The following TACC3 variants were observed in gnomAD, a reference collection of about 807,000 sequenced individuals.
The protein encoded by TACC3 is transforming acidic coiled-coil containing protein 3, also known as transforming acidic coiled-coil-containing protein 3.
A neutral mutation model predicts 86.0 loss-of-function variants in TACC3; 52 were observed. That is an observed-to-expected ratio of 0.60 (90% CI 0.48 to 0.76). TACC3 has a LOEUF of 0.76. Ranked by LOEUF, TACC3 falls within the 30% of genes least tolerant of loss-of-function variation. The pLI, the probability that TACC3 is intolerant of heterozygous loss-of-function variation, is 0.00. For synonymous variants in TACC3, 512 were observed against 430.0 expected, an observed-to-expected ratio of 1.19 and a Z score of -2.36; for missense variants, 1,120 against 1,070.4, an observed-to-expected ratio of 1.05 and a Z score of -0.65.
chr4:1,720,773 G>A, upstream of TACC3: 1 of 1,593,138 alleles, frequency 6.3e-7, no homozygotes, highest in East Asian at 2.3e-5. This position sits in a 1 kb window ranked among gnomAD's most constrained non-coding sequence, Gnocchi z 4.4. Flanking sequence ...CTCGTTGGGC[G>A]TGAACACGAA....
In TACC3 at chr4:1,744,593, C is replaced by G; in HGVS notation, c.2299C>G (p.Leu767Val). The change falls in exon 14 of 16, where the codon CTG becomes GTG. Residue 767 changes from leucine to valine, a missense_variant. Physicochemically the swap from Leu to Val is conservative, Grantham distance 32. Transcript: ENST00000313288. ...ITQEGQRYQA[L>V]KAHAEEKLQL... Reference sequence around the variant, plus strand: ...CCAGGAGGGCCAGAGGTACCAAGCCCTGAAGGCCCACGCGGAGGAGAAGCT... The same window carrying G: ...CCAGGAGGGCCAGAGGTACCAAGCCGTGAAGGCCCACGCGGAGGAGAAGCT... The G allele has an allele frequency of 1.2e-6, 2 of 1,613,234 alleles. No individual in the cohort carries two copies. Among genetic ancestry groups the G allele is most frequent in the Non-Finnish European group, 1.7e-6 (2 of 1,179,996 alleles).
rs776068390 is a variant in TACC3 at position 1,735,651 on chromosome 4, A to G, written c.1645-80A>G. 3.3e-4 allele frequency: 379 copies of G among 1,131,578 alleles called. No individual in the cohort carries two copies. Among genetic ancestry groups the G allele is most frequent in the Non-Finnish European group, 4.6e-4 (350 of 757,172 alleles). 70.1% of individuals were successfully genotyped at this position (1,131,578 alleles called of 1,614,324 possible). A position where few individuals can be genotyped will look rare whatever the true frequency, so the allele number is the denominator to read the frequency against. ...CGGGTGACCGGGGGTGGGAGTGTGCAGGTGACCTCCCTGGCCCTTAGCCCC... is the reference window on the plus strand; with the variant it reads ...CGGGTGACCGGGGGTGGGAGTGTGCGGGTGACCTCCCTGGCCCTTAGCCCC... On this transcript the variant is annotated intron_variant, in intron 7 of 15. Transcript: ENST00000313288. The surrounding 1 kb of genome is among the most constrained non-coding windows in gnomAD (Gnocchi z 4.2).
chr4:1,740,051 A>T, intron 12 of TACC3, 49 bp downstream of exon 12: 1 of 1,592,868 alleles, frequency 6.3e-7, no homozygotes, highest in Non-Finnish European at 8.6e-7. Flanking sequence ...GGGGCTGCCT[A>T]TGCCCCACCC....
chr4:1,721,244 A>G (rs1298754199), upstream of TACC3: 1 of 160,022 alleles, frequency 6.2e-6, no homozygotes, highest in Non-Finnish European at 1.4e-5. Context: ...GGCCCTGGCC[A>G]TGAAGCCCCG....
At chr4:1,744,398 C>T (rs1718740607) in intron 13 of TACC3, 120 bp from the exon 14 acceptor site, 18 of 878,812 alleles carry the variant, frequency 2.0e-5, no homozygotes, top group African/African-American at 3.4e-5. Context: ...AAAACGGGAG[C>T]TACTGGCTCA....
intron 1 of TACC3, chr4:1,721,914 G>T (rs989791275): frequency 6.6e-6 from 1 of 152,376 alleles, no homozygotes; most frequent in South Asian, 2.1e-4. Flanking sequence ...CGGGCGCCCC[G>T]AGGTGCTTTG....
intron 3 of TACC3, among the ~76,000 whole-genome samples, chr4:1,727,269 C>T (rs1180276361): frequency 9.9e-5 from 15 of 152,198 alleles, no homozygotes; most frequent in Admixed American, 9.8e-4. Flanking sequence ...TCTGACCCCC[C>T]AGGCAGCAGC....
rs1717763545 is a variant in TACC3 at position 1,727,784 on chromosome 4, C to T, written c.382C>T (p.Leu128Phe). 1.2e-6 allele frequency: 2 copies of T among 1,612,976 alleles called. No homozygotes were observed. The highest frequency in any genetic ancestry group is 2.2e-5 in the East Asian group (1 of 44,886). ...GAAACCAGTGGAGGCTGACACCGACCTCCTGGGGGATGCAAGCCCAGCCTT... is the reference window on the plus strand; with the variant it reads ...GAAACCAGTGGAGGCTGACACCGACTTCCTGGGGGATGCAAGCCCAGCCTT... ...LQKPVEADTD[L>F]LGDASPAFGS... The change falls in exon 4 of 16, where the codon CTC (leucine) becomes TTC (phenylalanine). Residue 128 changes from leucine to phenylalanine, a missense_variant. Leu to Phe is a conservative substitution (Grantham distance 22). Transcript: ENST00000313288.
At chr4:1,739,574 C>T in intron 10 of TACC3, 128 bp from the exon 11 acceptor site, 2 of 852,500 alleles carry the variant, frequency 2.3e-6, no homozygotes, top group Non-Finnish European at 3.6e-6. Context: ...CTGGAAGCCC[C>T]ACATGGAACT....
intron 8 of TACC3, among the ~76,000 whole-genome samples, chr4:1,736,889 G>A (rs1339848037): frequency 6.6e-6 from 1 of 151,818 alleles, no homozygotes; most frequent in Non-Finnish European, 1.5e-5. Context: ...CAATCTGGGT[G>A]ACAGAGTGAG....
chr4:1,744,456 C>A, intron 13 of TACC3, 62 bp from the exon 14 acceptor site: 1 of 1,497,628 alleles, frequency 6.7e-7, no homozygotes, highest in Non-Finnish European at 9.2e-7. Flanking sequence ...CCCCAGACAC[C>A]AAGCCTGGGT....
Position 1,728,469 on chromosome 4 carries a change from G to T in TACC3, c.1067G>T (p.Arg356Ile). ...AGCAAAAGGGCACCCCCACCAAGGA[G>T]ACTGGGAGAGAGGTCCGGCCTCAAG... is the stretch of plus-strand genomic sequence containing the variant. ...ATSKRAPPPR[R>I]LGERSGLKPP... The change falls in exon 4 of 16, where the codon AGA becomes ATA. Residue 356 changes from arginine to isoleucine, a missense_variant. Arg to Ile is a moderately conservative substitution (Grantham distance 97, BLOSUM62 -3). Coordinates refer to ENST00000313288, the MANE Select transcript of TACC3 (RefSeq NM_006342.3). 4.3e-6 allele frequency: 7 copies of T among 1,613,902 alleles called. No homozygotes were observed. Among genetic ancestry groups the T allele is most frequent in the Middle Eastern group, 1.7e-4 (1 of 6,060 alleles).
chr4:1,720,896 G>A (rs1717291562), upstream of TACC3: 30 of 1,502,714 alleles, frequency 2.0e-5, no homozygotes, highest in Non-Finnish European at 2.5e-5. This position sits in a 1 kb window ranked among gnomAD's most constrained non-coding sequence, Gnocchi z 4.4. Context: ...GGACGAGGCC[G>A]CAGCGCCCAG....
At chr4:1,723,347 A>C (rs1717512537) in intron 1 of TACC3, 74 bp from the exon 2 acceptor site, 2 of 1,510,706 alleles carry the variant, frequency 1.3e-6, no homozygotes, top group Middle Eastern at 1.7e-4. Flanking sequence ...CCCTTGCAGC[A>C]GCTGTCACGT....
chr4:1,744,590 G>GCC lies in TACC3; in HGVS notation c.2298_2299dup (p.Leu767ProfsTer2), dbSNP rs1177478967. Reference sequence around the variant, plus strand: ...CACCCAGGAGGGCCAGAGGTACCAAGCCCTGAAGGCCCACGCGGAGGAGAA... The same window carrying GCC: ...CACCCAGGAGGGCCAGAGGTACCAAGCCCCCTGAAGGCCCACGCGGAGGAGAA... On this transcript the variant is annotated frameshift_variant, in exon 14 of 16. Coordinates refer to ENST00000313288, the MANE Select transcript of TACC3 (RefSeq NM_006342.3). LOFTEE classifies it high-confidence loss of function. 1 of 1,613,122 alleles carries GCC rather than the reference G, an allele frequency of 6.2e-7. No homozygotes were observed. The highest frequency in any genetic ancestry group is 1.3e-5 in the African/African-American group (1 of 74,950).
intron 4 of TACC3, among the ~76,000 whole-genome samples, chr4:1,729,051 T>A (rs1218474890): frequency 6.6e-6 from 1 of 152,198 alleles, no homozygotes; most frequent in Non-Finnish European, 1.5e-5. Context: ...AGAAGCCAAA[T>A]GCAACCAACC....
At position 1,730,453 on chromosome 4, in the gene TACC3, A is replaced by G. The variant is rs1416218397; in HGVS notation, c.1386-434A>G. ...ATCATATCTATAATCTATTTCTAGT[A>G]TAACTATTCTTATTCTGTATATTTA... On this transcript the variant is annotated intron_variant, in intron 4 of 15. Transcript: ENST00000313288. The G allele has an allele frequency of 1.9e-5, 6 of 311,144 alleles. No individual in the cohort carries two copies. The East Asian group carries it at 2.4e-4, about 13-fold the overall frequency. 19.3% of individuals were successfully genotyped at this position (311,144 alleles called of 1,614,324 possible). A position where few individuals can be genotyped will look rare whatever the true frequency, so the allele number is the denominator to read the frequency against.
chr4:1,741,003 C>G lies in TACC3; in HGVS notation c.2223+17C>G. The G allele has an allele frequency of 6.3e-7, 1 of 1,591,560 alleles. No individual in the cohort carries two copies. Among genetic ancestry groups the G allele is most frequent in the Non-Finnish European group, 8.5e-7 (1 of 1,171,422 alleles). ...TACCGCAAGGTATGTCTCCGCCACCCTGGTGTCCTCACCTCGGAGGCTGAT... is the reference window on the plus strand; with the variant it reads ...TACCGCAAGGTATGTCTCCGCCACCGTGGTGTCCTCACCTCGGAGGCTGAT... On this transcript the variant is annotated intron_variant, in intron 13 of 15. Coordinates refer to ENST00000313288, the MANE Select transcript of TACC3 (RefSeq NM_006342.3).
In TACC3 at chr4:1,739,308, CAAA is replaced by C. The variant is rs33985489; in HGVS notation, c.1942-383_1942-381del. 6.7e-3 allele frequency: 1,094 copies of C among 162,326 alleles called. 5 individuals are homozygous for C. The highest frequency in any genetic ancestry group is 0.017 in the African/African-American group (668 of 40,240). 10.1% of individuals were successfully genotyped at this position (162,326 alleles called of 1,614,324 possible). ...GGGCGACAGAGTGAGACTCTTGTCT[CAAA>C]AAAAAAAAAAGAGATCTGAACATAC... is the stretch of plus-strand genomic sequence containing the variant. On this transcript the variant is annotated intron_variant, in intron 10 of 15. Transcript: ENST00000313288.
Sources: gnomAD v4.1 joint callset for allele counts (sites outside exome capture counted in the v4.1 genomes callset) on GRCh38, gnomAD v4.1.1 for gene constraint, Gnocchi (gnomAD v3.1) non-coding constraint, MANE v1.5 for transcripts, NCBI Gene and HGNC (gene_info 2026-07-23, HGNC 2026-07-21) for gene names.